Variants in SEC63 observed in about 807,000 individuals in gnomAD.
SEC63 encodes the protein SEC63 protein translocation regulator, also known as translocation protein SEC63 homolog.
SEC63 carries 56 observed loss-of-function variants against 116.2 expected under a neutral mutation model. The ratio of observed to expected loss-of-function variants is 0.48; its 90% CI spans 0.39 to 0.60. The LOEUF is 0.60. Among genes scored for constraint, SEC63 ranks in the 20% least tolerant of loss-of-function variants. SEC63 has a pLI of 0.00. For missense variants in SEC63, 668 were observed against 900.0 expected (o/e 0.74, Z 3.30); for synonymous variants, 273 against 294.6 (o/e 0.93, Z 0.75).
At chr6:107,881,477 C>T (rs1017742029) in intron 17 of SEC63, among the ~76,000 whole-genome samples, 2 of 152,052 alleles carry the variant, frequency 1.3e-5, no homozygotes, top group African/African-American at 4.8e-5. Flanking sequence ...TGACCCTAGC[C>T]TGCCTCTCTT....
chr6:107,923,325 G>A (rs1288651964), intron 3 of SEC63, among the ~76,000 whole-genome samples: 1 of 152,046 alleles, frequency 6.6e-6, no homozygotes, highest in East Asian at 1.9e-4. Context: ...TGTTGCCCAG[G>A]CTGGTCTCAA....
At chr6:107,884,165 G>A (rs1188082340) in intron 16 of SEC63, among the ~76,000 whole-genome samples, 1 of 151,670 alleles carries the variant, frequency 6.6e-6, no homozygotes, top group Non-Finnish European at 1.5e-5. Flanking sequence ...AGCTACTCGG[G>A]AGGCTCAGGC....
rs1327364313 is a variant in SEC63 at position 107,868,233 on chromosome 6, AAAAC to A, written c.*3467_*3470del. 2.0e-5 allele frequency: 3 copies of A among 152,152 alleles called. No homozygotes were observed. The highest frequency in any genetic ancestry group is 6.5e-5 in the Admixed American group (1 of 15,274). The allele number at this position is 152,152 out of a possible 1,614,324, so 9.4% of individuals were successfully genotyped here. A position where few individuals can be genotyped will look rare whatever the true frequency, so the allele number is the denominator to read the frequency against. On this transcript the variant is annotated 3_prime_UTR_variant, in exon 21 of 21. Transcript: ENST00000369002. ...GGGAAAATTGTTTCTTAAAAAAAAA[AAAAC>A]ATTTTAAAGGAAAGGATGATGATTT... is the stretch of plus-strand genomic sequence containing the variant.
intron 19 of SEC63, among the ~76,000 whole-genome samples, chr6:107,873,207 T>C (rs754094344): frequency 6.6e-6 from 1 of 152,168 alleles, no homozygotes; most frequent in Non-Finnish European, 1.5e-5. Context: ...TATGCTATCA[T>C]CTTGAAGAAA....
intron 16 of SEC63, among the ~76,000 whole-genome samples, chr6:107,887,689 G>A (rs187952149): frequency 1.9e-3 from 285 of 150,410 alleles, no homozygotes; most frequent in East Asian, 8.4e-3. Context: ...CATGGCACAC[G>A]TATACATATG....
intron 13 of SEC63, among the ~76,000 whole-genome samples, chr6:107,899,369 T>C (rs1786943706): frequency 6.6e-6 from 1 of 152,230 alleles, no homozygotes; most frequent in African/African-American, 2.4e-5. Flanking sequence ...CGAACACTCT[T>C]AAATTTCTAC....
chr6:107,933,245 G>A (rs990736709), intron 1 of SEC63, among the ~76,000 whole-genome samples: 1 of 152,136 alleles, frequency 6.6e-6, no homozygotes, highest in Non-Finnish European at 1.5e-5. Flanking sequence ...GAAGGAAGTA[G>A]CCCTGCCAAC....
intron 20 of SEC63, among the ~76,000 whole-genome samples, chr6:107,872,545 G>A (rs1786159892): frequency 6.6e-6 from 1 of 150,936 alleles, no homozygotes; most frequent in Admixed American, 6.6e-5. Flanking sequence ...GAACCCATTT[G>A]CTGAGGCCTT....
In SEC63 at chr6:107,937,447, C is replaced by G. The variant is rs1009187991; in HGVS notation, c.125-7933G>C. On this transcript the variant is annotated intron_variant, in intron 1 of 20. Transcript: ENST00000369002. ...GGCCACTACATTTTCTTTATCCAGT[C>G]CGCTATTGATAGACACCTGGGTTGG... 3.3e-5 allele frequency among the ~76,000 whole-genome samples: 5 copies of G among 151,730 alleles called. No individual in the cohort carries two copies. In the East Asian group the frequency reaches 9.6e-4, roughly 29 times the overall value.
At chr6:107,925,930 A>C (rs1562332112) in intron 2 of SEC63, among the ~76,000 whole-genome samples, 1 of 152,150 alleles carries the variant, frequency 6.6e-6, no homozygotes, top group Non-Finnish European at 1.5e-5. Flanking sequence ...GCTCACAGCA[A>C]CTTCAGCCTC....
intron 1 of SEC63, among the ~76,000 whole-genome samples, chr6:107,944,122 G>A (rs1032857212): frequency 1.3e-5 from 2 of 152,172 alleles, no homozygotes; most frequent in Admixed American, 6.5e-5. Flanking sequence ...TGGAGTATGA[G>A]AAAGAGATGA....
chr6:107,927,678 G>A (rs958748985), intron 2 of SEC63, among the ~76,000 whole-genome samples: 2 of 152,116 alleles, frequency 1.3e-5, no homozygotes, highest in African/African-American at 4.8e-5. Context: ...ATAAGAGACT[G>A]GGAGGCCAAA....
In SEC63 at chr6:107,870,719, C is replaced by T. The variant is rs1193299672; in HGVS notation, c.*985G>A. On this transcript the variant is annotated 3_prime_UTR_variant, in exon 21 of 21. Transcript: ENST00000369002. Reference sequence around the variant, plus strand: ...TTGAAAAATAAAGAAGTGGATTGCCCTATTTATGTCCTGATAGTAAAAAGA... The same window carrying T: ...TTGAAAAATAAAGAAGTGGATTGCCTTATTTATGTCCTGATAGTAAAAAGA... The T allele has an allele frequency of 6.6e-6, 1 of 152,066 alleles. No individual in the cohort carries two copies. Among genetic ancestry groups the T allele is most frequent in the Non-Finnish European group, 1.5e-5 (1 of 68,002 alleles). 9.4% of individuals were successfully genotyped at this position (152,066 alleles called of 1,614,324 possible). A position where few individuals can be genotyped will look rare whatever the true frequency, so the allele number is the denominator to read the frequency against.
At chr6:107,896,241 A>ATC (rs1786814501) in intron 14 of SEC63, among the ~76,000 whole-genome samples, 1 of 152,168 alleles carries the variant, frequency 6.6e-6, no homozygotes, top group Non-Finnish European at 1.5e-5. Context: ...AGGTGGGTGG[A>ATC]TCACTTGAGG....
intron 16 of SEC63, among the ~76,000 whole-genome samples, chr6:107,893,259 T>C (rs139877573): frequency 1.2e-3 from 186 of 152,108 alleles, no homozygotes; most frequent in African/African-American, 4.4e-3. Context: ...CCTTTAGGAA[T>C]AGGCAAAACT....
intron 16 of SEC63, among the ~76,000 whole-genome samples, chr6:107,883,628 T>C (rs1437248792): frequency 1.3e-5 from 2 of 149,122 alleles, no homozygotes; most frequent in Admixed American, 6.7e-5. Context: ...ACCTGATCCC[T>C]TAAAAAAAAA....
At chr6:107,923,737 C>T (rs900564264) in intron 3 of SEC63, among the ~76,000 whole-genome samples, 3 of 149,436 alleles carry the variant, frequency 2.0e-5, no homozygotes, top group Admixed American at 6.7e-5. Flanking sequence ...CACTATGTTG[C>T]CCAAACTCCT....
chr6:107,919,586 G>A (rs957877501), intron 4 of SEC63, among the ~76,000 whole-genome samples: 6 of 152,106 alleles, frequency 3.9e-5, no homozygotes, highest in Non-Finnish European at 8.8e-5. Context: ...ACTTTGGGAG[G>A]CCAAGGCAGG....
chr6:107,872,735 C>T, intron 20 of SEC63, 73 bp downstream of exon 20: 1 of 922,390 alleles, frequency 1.1e-6, no homozygotes, highest in Non-Finnish European at 1.7e-6. Context: ...CATTTCAAAA[C>T]TAGAAATGTT....
Sources: gnomAD v4.1 joint callset for allele counts (sites outside exome capture counted in the v4.1 genomes callset) on GRCh38, gnomAD v4.1.1 for gene constraint, MANE v1.5 for transcripts, NCBI Gene and HGNC (gene_info 2026-07-23, HGNC 2026-07-21) for gene names.